Variants in RPH3A observed in about 807,000 individuals in gnomAD.
RPH3A encodes rabphilin-3A.
Under a neutral mutation model 102.2 loss-of-function variants are expected in RPH3A, and 48 were observed. The observed-to-expected ratio is 0.47, with a 90% CI of 0.37 to 0.60. The LOEUF (loss-of-function observed/expected upper bound fraction) is 0.60. Among genes scored for constraint, RPH3A ranks in the 20% least tolerant of loss-of-function variants. The pLI is 0.00. For missense variants in RPH3A, 781 were observed against 910.1 expected, an observed-to-expected ratio of 0.86 and a Z score of 1.83; for synonymous variants, 310 against 324.3, an observed-to-expected ratio of 0.96 and a Z score of 0.47.
chr12:112,631,690 T>C (rs928248573), intron 1 of RPH3A, among the ~76,000 whole-genome samples: 1 of 151,466 alleles, frequency 6.6e-6, no homozygotes, highest in African/African-American at 2.4e-5. Context: ...ACCTGCTAAT[T>C]TGTAATTTTT....
intron 5 of RPH3A, among the ~76,000 whole-genome samples, chr12:112,852,431 T>C (rs938438112): frequency 6.6e-6 from 1 of 152,196 alleles, no homozygotes; most frequent in African/African-American, 2.4e-5. Flanking sequence ...AAGAGAAATT[T>C]GATATAAGGG....
At chr12:112,884,721 A>T (rs904266172) in intron 16 of RPH3A, among the ~76,000 whole-genome samples, 4 of 152,218 alleles carry the variant, frequency 2.6e-5, no homozygotes, top group Admixed American at 2.0e-4. Context: ...CTGCAACATT[A>T]TTCTAAGTAA....
rs1336923734 is a variant in RPH3A, at chr12:112,660,086, A to C, written c.-140+84767A>C. 3.3e-5 allele frequency among the ~76,000 whole-genome samples: 5 copies of C among 152,326 alleles called. No homozygotes were observed. The South Asian group carries it at 8.3e-4, about 25-fold the overall frequency. On this transcript the variant is annotated intron_variant, in intron 1 of 21. Coordinates refer to the RPH3A transcript ENST00000543106. ...GATATGGATATGAATATATAAGCACACATACATATGTAAATATATACATAT... is the reference window on the plus strand; with the variant it reads ...GATATGGATATGAATATATAAGCACCCATACATATGTAAATATATACATAT...
intron 4 of RPH3A, among the ~76,000 whole-genome samples, chr12:112,837,982 C>T (rs1019778087): frequency 6.6e-6 from 1 of 151,908 alleles, no homozygotes; most frequent in Non-Finnish European, 1.5e-5. Context: ...TGCTAAGCAC[C>T]AGGGACACAG....
Position 112,876,782 on chromosome 12 carries a change from GC to G in RPH3A, c.1093del (p.Gln365SerfsTer55). 1 of 1,610,664 alleles carries G rather than the reference GC, an allele frequency of 6.2e-7. No homozygotes were observed. Among genetic ancestry groups the G allele is most frequent in the Admixed American group, 1.7e-5 (1 of 59,560 alleles). ...SGPYSQASAAAPQPAAARQPP... is the reference protein window; with the variant it reads ...SGPYSQASAAXPQPAAARQPP... ...ACCCTATTCCCAAGCATCTGCAGCT[GC>G]CCCCCAGCCTGCTGCAGCCCGCCAG... is the stretch of plus-strand genomic sequence containing the variant. On this transcript the variant is annotated frameshift_variant, in exon 13 of 22. Transcript: ENST00000389385. LOFTEE classifies it high-confidence loss of function.
chr12:112,583,990 A>T (rs893860806), intron 1 of RPH3A, among the ~76,000 whole-genome samples: 1 of 152,176 alleles, frequency 6.6e-6, no homozygotes, highest in African/African-American at 2.4e-5. Flanking sequence ...TGTCTCAAAA[A>T]AATAAATAAA....
At chr12:112,826,471 C>A (rs2041875423) in intron 2 of RPH3A, among the ~76,000 whole-genome samples, 1 of 152,170 alleles carries the variant, frequency 6.6e-6, no homozygotes, top group Non-Finnish European at 1.5e-5. Context: ...AAAGTACACA[C>A]ATCTCAAGAG....
intron 10 of RPH3A, among the ~76,000 whole-genome samples, chr12:112,873,563 C>G (rs1025069878): frequency 2.6e-5 from 4 of 152,210 alleles, no homozygotes; most frequent in African/African-American, 9.7e-5. Context: ...GTCTCCCTAC[C>G]TCTTGGAGCG....
At chr12:112,673,387 G>A (rs2040148951) in intron 1 of RPH3A, among the ~76,000 whole-genome samples, 1 of 151,930 alleles carries the variant, frequency 6.6e-6, no homozygotes, top group South Asian at 2.1e-4. Flanking sequence ...CTGGTATACA[G>A]TGGCATGAAC....
rs552941735 is a variant in RPH3A at position 112,869,702 on chromosome 12, G to A, written c.611-57G>A. On this transcript the variant is annotated intron_variant, in intron 8 of 21. Transcript: ENST00000389385. ...CCCCTTTGTAGGCTTCTTAAGTACC[G>A]GTTTTCCAGACACCAGAAAACCAGT... 60 of 1,567,784 alleles carry A rather than the reference G, an allele frequency of 3.8e-5. No homozygotes were observed. In the East Asian group the frequency reaches 1.0e-3, roughly 27 times the overall value.
intron 1 of RPH3A, among the ~76,000 whole-genome samples, chr12:112,690,316 A>G (rs1186166666): frequency 1.3e-5 from 2 of 152,188 alleles, no homozygotes; most frequent in Non-Finnish European, 2.9e-5. Context: ...TATCTGGTTA[A>G]GTTGGTAAGC....
chr12:112,675,916 G>T (rs1355710895), intron 1 of RPH3A, among the ~76,000 whole-genome samples: 1 of 152,134 alleles, frequency 6.6e-6, no homozygotes, highest in Non-Finnish European at 1.5e-5. Context: ...TGAAATCAGA[G>T]ATCCAGCCAT....
At chr12:112,713,101 T>TCC in intron 1 of RPH3A, among the ~76,000 whole-genome samples, 1 of 135,452 alleles carries the variant, frequency 7.4e-6, no homozygotes, top group Non-Finnish European at 1.6e-5. Context: ...CTTCTTCTTC[T>TCC]TTTATTTTTT....
intron 1 of RPH3A, among the ~76,000 whole-genome samples, chr12:112,600,951 G>T (rs1298593320): frequency 1.3e-5 from 2 of 152,196 alleles, no homozygotes; most frequent in Non-Finnish European, 2.9e-5. Flanking sequence ...GACGGCAGGA[G>T]AGAGAATGCA....
intron 1 of RPH3A, among the ~76,000 whole-genome samples, chr12:112,618,893 T>C (rs2039700655): frequency 1.3e-5 from 2 of 152,238 alleles, no homozygotes; most frequent in Admixed American, 1.3e-4. Context: ...ACCTCTACTT[T>C]ACTTTCTGTT....
At chr12:112,837,083 G>A (rs1378983464) in intron 4 of RPH3A, among the ~76,000 whole-genome samples, 1 of 152,150 alleles carries the variant, frequency 6.6e-6, no homozygotes, top group Non-Finnish European at 1.5e-5. Context: ...CAATAAATGA[G>A]CAACCAGACT....
intron 1 of RPH3A, among the ~76,000 whole-genome samples, chr12:112,649,900 G>A (rs575725083): frequency 1.3e-5 from 2 of 152,240 alleles, no homozygotes; most frequent in East Asian, 1.9e-4. Context: ...CATCCCTAGC[G>A]TCTCTTCCTC....
At chr12:112,790,741 G>A (rs1382937801), upstream of RPH3A, among the ~76,000 whole-genome samples, 2 of 152,104 alleles carry the variant, frequency 1.3e-5, no homozygotes, top group African/African-American at 2.4e-5. Context: ...TGGATCTTTC[G>A]GGGAAGGCTC....
chr12:112,696,550 T>A (rs907950704), intron 1 of RPH3A, among the ~76,000 whole-genome samples: 1 of 152,194 alleles, frequency 6.6e-6, no homozygotes, highest in African/African-American at 2.4e-5. Context: ...AGACTCTTCA[T>A]TGCTAGGTTG....
Sources: allele counts gnomAD v4.1 joint callset (sites outside exome capture counted in the v4.1 genomes callset), GRCh38; gene constraint gnomAD v4.1.1; transcripts MANE v1.5; gene names NCBI Gene and HGNC (gene_info 2026-07-23, HGNC 2026-07-21).